Variants in PACRG observed in about 807,000 individuals in gnomAD.
The protein encoded by PACRG is parkin coregulated gene protein.
Under a neutral mutation model 29.7 loss-of-function variants are expected in PACRG, and 29 were observed. The ratio of observed to expected loss-of-function variants is 0.98; its 90% CI spans 0.73 to 1.33. The LOEUF (loss-of-function observed/expected upper bound fraction) is 1.33, where lower values mean the gene tolerates loss of function less well. Among genes scored for constraint, PACRG ranks in the 40% most tolerant of loss-of-function variants. The pLI, the probability that PACRG is intolerant of heterozygous loss-of-function variation, is 0.00. For synonymous variants in PACRG, 116 were observed against 118.7 expected, an observed-to-expected ratio of 0.98 and a Z score of 0.15; for missense variants, 279 against 316.2, an observed-to-expected ratio of 0.88 and a Z score of 0.89.
chr6:163,161,923 C>T (rs1778573357), intron 4 of PACRG, among the ~76,000 whole-genome samples: 1 of 152,198 alleles, frequency 6.6e-6, no homozygotes, highest in African/African-American at 2.4e-5. Context: ...AAAGTATCTT[C>T]TCAAATGTAT....
intron 4 of PACRG, among the ~76,000 whole-genome samples, chr6:163,104,664 T>C (rs535951501): frequency 6.6e-6 from 1 of 152,236 alleles, no homozygotes; most frequent in African/African-American, 2.4e-5. Flanking sequence ...GCTTACACCT[T>C]ACTCTTTTAG....
intron 4 of PACRG, among the ~76,000 whole-genome samples, chr6:163,244,732 A>G (rs1782628689): frequency 6.6e-6 from 1 of 152,232 alleles, no homozygotes; most frequent in African/African-American, 2.4e-5. Context: ...TGCTAAACTA[A>G]TTCTTCATTT....
chr6:162,831,931 C>T (rs541246122), intron 2 of PACRG, among the ~76,000 whole-genome samples: 59 of 152,124 alleles, frequency 3.9e-4, no homozygotes, highest in Non-Finnish European at 7.5e-4. Context: ...GGGTTGATTC[C>T]ATGTCTTTGC....
At chr6:162,888,000 G>A (rs983973635) in intron 2 of PACRG, among the ~76,000 whole-genome samples, 1 of 152,202 alleles carries the variant, frequency 6.6e-6, no homozygotes, top group Admixed American at 6.5e-5. Context: ...GGTTCAGTGT[G>A]TGGTGAGGGC....
At chr6:162,785,579 G>T (rs1009853525) in intron 1 of PACRG, among the ~76,000 whole-genome samples, 1 of 151,982 alleles carries the variant, frequency 6.6e-6, no homozygotes, top group Non-Finnish European at 1.5e-5. Flanking sequence ...GGGGGTGAAG[G>T]GGTGCGGGGG....
intron 2 of PACRG, among the ~76,000 whole-genome samples, chr6:163,007,207 C>A (rs1215180093): frequency 6.6e-6 from 1 of 151,740 alleles, no homozygotes; most frequent in African/African-American, 2.4e-5. Flanking sequence ...TTCCATTTTC[C>A]CTCTTAACCT....
At chr6:162,823,643 C>G (rs1183656729) in intron 2 of PACRG, among the ~76,000 whole-genome samples, 1 of 151,866 alleles carries the variant, frequency 6.6e-6, no homozygotes, top group Non-Finnish European at 1.5e-5. Context: ...TCCCGAGTAG[C>G]TGGGACTACA....
At chr6:163,313,686 A>AG (rs1785528966) in intron 4 of PACRG, 1 of 152,194 alleles carries the variant, frequency 6.6e-6, no homozygotes, top group South Asian at 2.1e-4. Context: ...GTTGCACTGA[A>AG]GGTCCCTGGC....
chr6:163,301,666 G>A (rs747502822), intron 4 of PACRG, among the ~76,000 whole-genome samples: 3 of 152,138 alleles, frequency 2.0e-5, no homozygotes, highest in Non-Finnish European at 2.9e-5. Flanking sequence ...ACTCCATGGC[G>A]TTCTGTGGGG....
rs77664163 is a variant in PACRG, at chr6:162,959,387, G to T, written c.292-102763G>T. On this transcript the variant is annotated intron_variant, in intron 2 of 4. Transcript: ENST00000366888. The stretch of plus-strand genomic sequence containing the variant: ...AAGTGAAGACCTGAAAGAGATGAAG[G>T]TCCACCACACGCACTCTGTGGAGGA... Among the ~76,000 whole-genome samples, 18 of 152,140 alleles carry T rather than the reference G, an allele frequency of 1.2e-4. No individual in the cohort carries two copies. In the East Asian group the frequency reaches 3.1e-3, roughly 26 times the overall value.
chr6:163,008,650 A>C (rs1584996503), intron 2 of PACRG, among the ~76,000 whole-genome samples: 1 of 148,130 alleles, frequency 6.8e-6, no homozygotes, highest in East Asian at 2.0e-4. Context: ...CAGGAACTTT[A>C]TTCTCGCCAT....
intron 4 of PACRG, among the ~76,000 whole-genome samples, chr6:163,204,770 A>T (rs1780836751): frequency 6.6e-6 from 1 of 152,212 alleles, no homozygotes; most frequent in Admixed American, 6.5e-5. Flanking sequence ...AAAGAGAGGA[A>T]GTCAAACTAT....
At position 163,291,152 on chromosome 6, in the gene PACRG, GCGGGT is replaced by G. The variant is rs1159582223; in HGVS notation, c.614-23673_614-23669del. The stretch of plus-strand genomic sequence containing the variant: ...CCCCTCTGCCCGCCAGAGCTGGCCT[GCGGGT>G]CACCCTGCAAGATGACCCTCTGCCT... On this transcript the variant is annotated intron_variant, in intron 4 of 4. Transcript: ENST00000366888. Among the ~76,000 whole-genome samples, 553 of 148,616 alleles carry G rather than the reference GCGGGT, an allele frequency of 3.7e-3. 2 individuals carry two copies. The highest frequency in any genetic ancestry group is 6.1e-3 in the Non-Finnish European group (416 of 67,932).
chr6:162,982,145 C>T (rs1361326470), intron 2 of PACRG, among the ~76,000 whole-genome samples: 1 of 151,826 alleles, frequency 6.6e-6, no homozygotes, highest in East Asian at 1.9e-4. Context: ...CAATATCTCC[C>T]ATTTTGTTTC....
At chr6:163,116,181 G>C (rs976945142) in intron 4 of PACRG, among the ~76,000 whole-genome samples, 4 of 152,148 alleles carry the variant, frequency 2.6e-5, no homozygotes, top group Non-Finnish European at 5.9e-5. Context: ...TTCTGCTCCT[G>C]GGCTTCTGCC....
At chr6:163,130,066 A>G (rs1164882332) in intron 4 of PACRG, among the ~76,000 whole-genome samples, 1 of 152,170 alleles carries the variant, frequency 6.6e-6, no homozygotes, top group African/African-American at 2.4e-5. Flanking sequence ...AAAGAAGTAA[A>G]AGGAGAAATG....
intron 1 of PACRG, among the ~76,000 whole-genome samples, chr6:162,773,536 C>G (rs1783397764): frequency 9.4e-6 from 1 of 106,900 alleles, no homozygotes; most frequent in African/African-American, 3.7e-5. Context: ...GAGACGGAGT[C>G]TCGCTCTGTC....
intron 4 of PACRG, among the ~76,000 whole-genome samples, chr6:163,252,703 T>G (rs1049188374): frequency 6.6e-6 from 1 of 152,218 alleles, no homozygotes; most frequent in African/African-American, 2.4e-5. Context: ...TCCTCACACA[T>G]TCACAAAGAC....
At chr6:162,971,945 A>T (rs1801564600) in intron 2 of PACRG, among the ~76,000 whole-genome samples, 3 of 152,004 alleles carry the variant, frequency 2.0e-5, no homozygotes. Context: ...CTCTGTCACC[A>T]CGGCGCTCGC....
Sources: allele counts gnomAD v4.1 joint callset (sites outside exome capture counted in the v4.1 genomes callset), GRCh38; gene constraint gnomAD v4.1.1; transcripts MANE v1.5; gene names NCBI Gene and HGNC (gene_info 2026-07-23, HGNC 2026-07-21).